PARP16: variants seen among roughly 807,000 people sequenced by gnomAD.
PARP16 encodes the protein poly(ADP-ribose) polymerase family member 16.
PARP16 carries 31 observed loss-of-function variants against 35.0 expected under a neutral mutation model. That is an observed-to-expected ratio of 0.88 (90% CI 0.66 to 1.19). The LOEUF (loss-of-function observed/expected upper bound fraction) is 1.19, where lower values mean the gene tolerates loss of function less well. Among genes scored for constraint, PARP16 ranks in the 50% most tolerant of loss-of-function variants. The pLI is 0.00. For missense variants in PARP16, 424 were observed against 411.2 expected (o/e 1.03, Z -0.27); for synonymous variants, 162 against 169.5 (o/e 0.96, Z 0.34).
At chr15:65,270,441 G>A (rs909336351) in intron 2 of PARP16, among the ~76,000 whole-genome samples, 3 of 152,152 alleles carry the variant, frequency 2.0e-5, no homozygotes, top group Non-Finnish European at 2.9e-5. Context: ...TTTGAGTTCT[G>A]CCTCTCCATC....
chr15:65,276,978 A>G (rs2090278006), intron 1 of PARP16, among the ~76,000 whole-genome samples: 1 of 149,474 alleles, frequency 6.7e-6, no homozygotes, highest in Non-Finnish European at 1.5e-5. Flanking sequence ...GTCAAACTTC[A>G]TCTAAAAAAA....
In PARP16 at chr15:65,258,983, A is replaced by T. The variant is rs1295272516; in HGVS notation, c.*424T>A. 6.4e-6 allele frequency: 1 copy of T among 155,656 alleles called. No individual in the cohort carries two copies. The highest frequency in any genetic ancestry group is 1.4e-5 in the Non-Finnish European group (1 of 70,016). The allele number at this position is 155,656 out of a possible 1,614,324, so 9.6% of individuals were successfully genotyped here. On this transcript the variant is annotated 3_prime_UTR_variant, in exon 6 of 6. Coordinates refer to ENST00000649807, the MANE Select transcript of PARP16 (RefSeq NM_001316943.2). Reference sequence around the variant, plus strand: ...GGGTGTCTCAAGTCAAAACAAGGCAACCGCCTAGTGATTTATAGTTCCCAC... The same window carrying T: ...GGGTGTCTCAAGTCAAAACAAGGCATCCGCCTAGTGATTTATAGTTCCCAC...
At chr15:65,284,263 G>A (rs935142764) in intron 1 of PARP16, among the ~76,000 whole-genome samples, 1 of 150,986 alleles carries the variant, frequency 6.6e-6, no homozygotes, top group Non-Finnish European at 1.5e-5. Context: ...TACATTGCTA[G>A]CTTTAAGATC....
At chr15:65,233,245 C>G (rs1448500699), downstream of PARP16, among the ~76,000 whole-genome samples, 1 of 151,932 alleles carries the variant, frequency 6.6e-6, no homozygotes, top group Non-Finnish European at 1.5e-5. Flanking sequence ...AACCCCGTCT[C>G]TACTAAAAAT....
At chr15:65,260,755 T>A in intron 5 of PARP16, 130 bp downstream of exon 5, 1 of 774,994 alleles carries the variant, frequency 1.3e-6, no homozygotes, top group Non-Finnish European at 2.2e-6. Flanking sequence ...TCTCACCGTG[T>A]CCAGCATGGT....
At chr15:65,248,046 C>T (rs528544121) in intron 3 of PARP16, 60 of 397,906 alleles carry the variant, frequency 1.5e-4, no homozygotes, top group African/African-American at 1.2e-3. Flanking sequence ...CCTTGTGATC[C>T]GCCCGCCTCG....
intron 3 of PARP16, 37 bp downstream of exon 3, chr15:65,266,525 G>T: frequency 6.5e-7 from 1 of 1,548,600 alleles, no homozygotes; most frequent in Non-Finnish European, 8.9e-7. Flanking sequence ...CTCCATCCCT[G>T]CTTCCCCACA....
intron 2 of PARP16, among the ~76,000 whole-genome samples, chr15:65,249,730 T>G (rs1481565621): frequency 2.0e-5 from 3 of 152,236 alleles, no homozygotes; most frequent in Non-Finnish European, 4.4e-5. Flanking sequence ...AATTTCAACT[T>G]AATCAGAGCA....
At chr15:65,235,522 G>A (rs182576156) in intron 3 of PARP16, among the ~76,000 whole-genome samples, 4 of 151,544 alleles carry the variant, frequency 2.6e-5, no homozygotes, top group East Asian at 2.0e-4. Flanking sequence ...AAAATTTGCC[G>A]GCCAGGCATG....
downstream of PARP16, among the ~76,000 whole-genome samples, chr15:65,232,969 A>C (rs1410911770): frequency 3.3e-5 from 5 of 152,192 alleles, no homozygotes; most frequent in African/African-American, 1.2e-4. Flanking sequence ...AGCCTGGGCA[A>C]CAGAGCAAAA....
At chr15:65,241,203 T>C (rs2120014) in intron 3 of PARP16, among the ~76,000 whole-genome samples, 62,566 of 150,460 alleles carry the variant, frequency 0.42, 14,668 homozygotes, top group East Asian at 0.86. Flanking sequence ...AGTGGTGGCA[T>C]GATCTCAGCT....
chr15:65,270,553 T>C (rs745745542), intron 2 of PARP16, among the ~76,000 whole-genome samples: 3 of 152,226 alleles, frequency 2.0e-5, no homozygotes, highest in Non-Finnish European at 4.4e-5. Flanking sequence ...TCCCAACACA[T>C]ACTGAGCCCT....
chr15:65,270,574 C>T (rs2090062297), intron 2 of PARP16, among the ~76,000 whole-genome samples: 2 of 152,142 alleles, frequency 1.3e-5, no homozygotes, highest in African/African-American at 4.8e-5. Context: ...TAGTATGTGC[C>T]CTTAGGCATT....
rs1242085686 is a variant in PARP16 at position 65,261,036 on chromosome 15, G to T, written c.692-10C>A. ...TCTATCTCCTTGGAATCTGAATAAGGAGAGTAAAACACATCTTCACTGGGG... is the reference window on the plus strand; with the variant it reads ...TCTATCTCCTTGGAATCTGAATAAGTAGAGTAAAACACATCTTCACTGGGG... On this transcript the variant is annotated splice_polypyrimidine_tract_variant and intron_variant, in intron 4 of 5. Transcript: ENST00000649807. The T allele has an allele frequency of 6.2e-7, 1 of 1,612,554 alleles. No individual in the cohort carries two copies. The highest frequency in any genetic ancestry group is 1.1e-5 in the South Asian group (1 of 91,016).
intron 1 of PARP16, among the ~76,000 whole-genome samples, chr15:65,283,311 C>T (rs778865052): frequency 4.6e-5 from 7 of 151,886 alleles, no homozygotes; most frequent in South Asian, 2.1e-4. Context: ...GAGTTTGATC[C>T]CTCTGACCCC....
At chr15:65,263,009 C>A in intron 4 of PARP16, 140 bp downstream of exon 4, 1 of 720,618 alleles carries the variant, frequency 1.4e-6, no homozygotes, top group Non-Finnish European at 2.4e-6. Context: ...GCTCCTTGGG[C>A]AGGACCCTGT....
downstream of PARP16, among the ~76,000 whole-genome samples, chr15:65,257,433 C>CA (rs1359930293): frequency 1.8e-4 from 26 of 143,878 alleles, no homozygotes; most frequent in East Asian, 1.8e-3. Flanking sequence ...GACTCCAGCT[C>CA]AAAAAAAAAA....
At chr15:65,284,064 A>G (rs1209104426) in intron 1 of PARP16, among the ~76,000 whole-genome samples, 1 of 152,122 alleles carries the variant, frequency 6.6e-6, no homozygotes, top group East Asian at 1.9e-4. Context: ...TCAACCTCCT[A>G]GGAATGATAG....
chr15:65,253,004 C>T (rs1327191433), intron 2 of PARP16, among the ~76,000 whole-genome samples: 1 of 151,986 alleles, frequency 6.6e-6, no homozygotes, highest in Non-Finnish European at 1.5e-5. Flanking sequence ...GTGGCACATG[C>T]CTGTAATCCC....
Sources: allele counts gnomAD v4.1 joint callset (sites outside exome capture counted in the v4.1 genomes callset), GRCh38; gene constraint gnomAD v4.1.1; transcripts MANE v1.5; gene names NCBI Gene and HGNC (gene_info 2026-07-23, HGNC 2026-07-21).